The following DNAH9 variants were observed in gnomAD, a reference collection of about 807,000 sequenced individuals.
The protein encoded by DNAH9 is dynein axonemal heavy chain 9, also known as DNAH9 variant protein.
A neutral mutation model predicts 471.6 loss-of-function variants in DNAH9; 345 were observed. That is an observed-to-expected ratio of 0.73 (90% CI 0.67 to 0.80). DNAH9 has a LOEUF of 0.80. DNAH9 is among the 30% of genes least tolerant of loss of function. The pLI, the probability that DNAH9 is intolerant of heterozygous loss-of-function variation, is 0.00. For synonymous variants in DNAH9, 2,093 were observed against 2,123.6 expected, an observed-to-expected ratio of 0.99 and a Z score of 0.40; for missense variants, 5,407 against 5,609.2, an observed-to-expected ratio of 0.96 and a Z score of 1.15.
intron 48 of DNAH9, among the ~76,000 whole-genome samples, chr17:11,830,252 C>T (rs1051155535): frequency 6.6e-6 from 1 of 152,310 alleles, no homozygotes; most frequent in Non-Finnish European, 1.5e-5. Flanking sequence ...TTTCACTTGT[C>T]CCTCGTTGGC....
chr17:11,811,817 T>C (rs959511938), intron 45 of DNAH9, among the ~76,000 whole-genome samples: 4 of 150,698 alleles, frequency 2.7e-5, no homozygotes, highest in East Asian at 3.9e-4. Flanking sequence ...AGAACCAATA[T>C]CTCCAATGCT....
chr17:11,838,435 G>A (rs1444358282), intron 49 of DNAH9, among the ~76,000 whole-genome samples: 1 of 152,154 alleles, frequency 6.6e-6, no homozygotes, highest in Non-Finnish European at 1.5e-5. Flanking sequence ...CACAGAAGAA[G>A]GCATAGTGAA....
chr17:11,952,061 T>C (rs1975384798), intron 67 of DNAH9, among the ~76,000 whole-genome samples: 2 of 151,982 alleles, frequency 1.3e-5, no homozygotes, highest in East Asian at 1.9e-4. Context: ...TGGTGGATGA[T>C]GGTATTTTAG....
intron 63 of DNAH9, among the ~76,000 whole-genome samples, chr17:11,930,790 T>C (rs896984776): frequency 7.8e-6 from 1 of 129,008 alleles, no homozygotes; most frequent in African/African-American, 3.0e-5. Flanking sequence ...AAATTGCAGA[T>C]TTTTAGGCCC....
chr17:11,963,541 A>C (rs1440713743), intron 68 of DNAH9, among the ~76,000 whole-genome samples: 2 of 151,960 alleles, frequency 1.3e-5, no homozygotes, highest in Non-Finnish European at 2.9e-5. Context: ...AATAAAAACT[A>C]ACTATCCGGT....
intron 17 of DNAH9, among the ~76,000 whole-genome samples, chr17:11,674,057 C>T (rs1027436013): frequency 3.9e-5 from 6 of 152,134 alleles, no homozygotes; most frequent in African/African-American, 1.4e-4. Flanking sequence ...AGTTCATTTT[C>T]CCTGTCGTAC....
intron 62 of DNAH9, chr17:11,925,119 A>G: frequency 2.3e-6 from 1 of 443,086 alleles, no homozygotes. Context: ...CTACGTTGAC[A>G]TGGTTTATTT....
chr17:11,651,803 C>A (rs1247796596), intron 13 of DNAH9, among the ~76,000 whole-genome samples: 1 of 151,910 alleles, frequency 6.6e-6, no homozygotes, highest in Non-Finnish European at 1.5e-5. Flanking sequence ...TCTCTACCCT[C>A]AAAGAGCTCA....
chr17:11,714,774 T>C (rs2150794475), intron 26 of DNAH9, among the ~76,000 whole-genome samples: 1 of 152,288 alleles, frequency 6.6e-6, no homozygotes, highest in Non-Finnish European at 1.5e-5. Context: ...TAGCTGGTTT[T>C]GAAGGTGGTA....
chr17:11,701,937 C>T (rs984168017), intron 24 of DNAH9, among the ~76,000 whole-genome samples: 4 of 152,206 alleles, frequency 2.6e-5, no homozygotes, highest in Non-Finnish European at 5.9e-5. Flanking sequence ...CCACCTCGGC[C>T]TCCCAAAGTG....
At chr17:11,952,140 T>G (rs890588344) in intron 67 of DNAH9, among the ~76,000 whole-genome samples, 8 of 1,524 alleles carry the variant, frequency 5.2e-3, no homozygotes, top group African/African-American at 5.6e-3. Context: ...GCTATATTAC[T>G]TTTTTTTTTT....
At chr17:11,792,062 A>G (rs1216472026) in intron 41 of DNAH9, among the ~76,000 whole-genome samples, 4 of 152,056 alleles carry the variant, frequency 2.6e-5, no homozygotes, top group Non-Finnish European at 5.9e-5. Context: ...TGGGTGGATC[A>G]CCTGAGGTTG....
intron 32 of DNAH9, among the ~76,000 whole-genome samples, chr17:11,748,282 G>A (rs867923347): frequency 4.6e-5 from 7 of 151,948 alleles, no homozygotes; most frequent in South Asian, 2.1e-4. Context: ...AGCCAAGATC[G>A]TGCCACTGCA....
chr17:11,824,308 G>T (rs1353522139), intron 48 of DNAH9, among the ~76,000 whole-genome samples: 1 of 152,106 alleles, frequency 6.6e-6, no homozygotes, highest in Non-Finnish European at 1.5e-5. Context: ...TTCTCCTTTT[G>T]ACTTGTCCTT....
At chr17:11,842,493 G>A (rs943009004) in intron 49 of DNAH9, among the ~76,000 whole-genome samples, 1 of 152,166 alleles carries the variant, frequency 6.6e-6, no homozygotes, top group African/African-American at 2.4e-5. Flanking sequence ...CTCCACAATA[G>A]GCTATCTGCA....
intron 35 of DNAH9, among the ~76,000 whole-genome samples, chr17:11,762,775 T>TTTTG (rs1567783331): frequency 4.1e-4 from 46 of 112,122 alleles, no homozygotes; most frequent in African/African-American, 1.5e-3. Flanking sequence ...TTTTTGTTTT[T>TTTTG]TTTTTTTTTT....
chr17:11,883,512 C>T (rs1203671091), intron 55 of DNAH9, 74 bp from the exon 56 acceptor site: 8 of 1,542,974 alleles, frequency 5.2e-6, no homozygotes, highest in Non-Finnish European at 6.2e-6. Flanking sequence ...GGACTCTCGC[C>T]CTATTCAGAC....
chr17:11,829,894 G>A (rs1475733794), intron 48 of DNAH9, among the ~76,000 whole-genome samples: 1 of 152,216 alleles, frequency 6.6e-6, no homozygotes, highest in African/African-American at 2.4e-5. Context: ...AGAGTAGAAA[G>A]CTCTTAATAT....
At chr17:11,632,836 G>T in intron 8 of DNAH9, 133 bp downstream of exon 8, 1 of 513,962 alleles carries the variant, frequency 1.9e-6, no homozygotes, top group Non-Finnish European at 3.5e-6. Context: ...AGTAGAGAAG[G>T]ATATGGGAAT....
Sources: allele counts gnomAD v4.1 joint callset (sites outside exome capture counted in the v4.1 genomes callset), GRCh38; gene constraint gnomAD v4.1.1; transcripts MANE v1.5; gene names NCBI Gene and HGNC (gene_info 2026-07-23, HGNC 2026-07-21).